The following NTN1 variants were observed in gnomAD, a reference collection of about 807,000 sequenced individuals.
NTN1 encodes the protein netrin-1.
Under a neutral mutation model 54.2 loss-of-function variants are expected in NTN1, and 11 were observed. The observed-to-expected ratio is 0.20, with a 90% CI of 0.13 to 0.34. The LOEUF is 0.34. NTN1 is among the 10% of genes least tolerant of loss of function. NTN1 has a pLI of 1.00. For missense variants in NTN1, 740 were observed against 893.1 expected, an observed-to-expected ratio of 0.83 and a Z score of 2.18; for synonymous variants, 371 against 382.0, an observed-to-expected ratio of 0.97 and a Z score of 0.33.
At chr17:9,163,357 AC>A (rs1029945217) in intron 3 of NTN1, among the ~76,000 whole-genome samples, 11 of 151,938 alleles carry the variant, frequency 7.2e-5, no homozygotes, top group African/African-American at 2.4e-4. Context: ...TGTGCTGCAT[AC>A]CAGAGGGCTG....
At chr17:9,005,077 C>T in the NTN1 span, among the ~76,000 whole-genome samples, 4 of 152,182 alleles carry the variant, frequency 2.6e-5, no homozygotes, top group African/African-American at 7.2e-5. Flanking sequence ...CCAGGCACCG[C>T]TCCCACCACT....
At chr17:9,003,505 C>T in the NTN1 span, among the ~76,000 whole-genome samples, 1 of 150,104 alleles carries the variant, frequency 6.7e-6, no homozygotes, top group East Asian at 2.0e-4. The surrounding 1 kb of genome is among the most constrained non-coding windows in gnomAD (Gnocchi z 7.4). Context: ...CCTTCCTGCC[C>T]GCCCGGGTCC....
At chr17:9,152,493 C>A (rs1421600931) in intron 2 of NTN1, among the ~76,000 whole-genome samples, 1 of 152,116 alleles carries the variant, frequency 6.6e-6, no homozygotes, top group African/African-American at 2.4e-5. Flanking sequence ...GGGAAGCCTG[C>A]AGGGTCATCC....
chr17:9,144,482 C>T (rs1475876728), intron 2 of NTN1, among the ~76,000 whole-genome samples: 1 of 152,226 alleles, frequency 6.6e-6, no homozygotes, highest in East Asian at 1.9e-4. Context: ...ATTTGAACTC[C>T]TGCATCGGCT....
chr17:9,194,059 A>G (rs747278820), intron 5 of NTN1, among the ~76,000 whole-genome samples: 6 of 152,038 alleles, frequency 3.9e-5, no homozygotes, highest in Non-Finnish European at 5.9e-5. Flanking sequence ...AACATAGTGA[A>G]ACCCCATCTC....
chr17:9,157,055 A>G (rs2092344996), intron 2 of NTN1, among the ~76,000 whole-genome samples: 1 of 149,292 alleles, frequency 6.7e-6, no homozygotes, highest in African/African-American at 2.5e-5. Flanking sequence ...TCATCCTTCC[A>G]TTCATTCATC....
intron 2 of NTN1, among the ~76,000 whole-genome samples, chr17:9,042,763 G>C (rs1003789073): frequency 6.6e-6 from 1 of 151,786 alleles, no homozygotes; most frequent in Non-Finnish European, 1.5e-5. Flanking sequence ...CTCCAGACTG[G>C]GCGATAGTGC....
intron 2 of NTN1, among the ~76,000 whole-genome samples, chr17:9,099,482 T>G (rs2142240720): frequency 6.6e-6 from 1 of 152,294 alleles, no homozygotes; most frequent in South Asian, 2.1e-4. Flanking sequence ...TGTTAGAAAC[T>G]TCAGCTATTT....
At position 9,022,669 on chromosome 17, in the gene NTN1, C is replaced by G. The variant is rs1287144736; in HGVS notation, c.296C>G (p.Pro99Arg). ...TGCCACCTCTGCAACGCGTCCGACC[C>G]CAAGAAGGCGCACCCGCCCGCCTTC... ...RSCHLCNASD[P>R]KKAHPPAFLT... The change falls in exon 2 of 7, where the codon CCC (proline) becomes CGC (arginine). Residue 99 changes from proline to arginine, a missense_variant. By Grantham distance (103) the Pro-to-Arg change is moderately radical. Transcript: ENST00000173229. The G allele has an allele frequency of 7.6e-6, 12 of 1,575,390 alleles. No individual in the cohort carries two copies. The South Asian group carries it at 1.4e-4, about 18-fold the overall frequency.
chr17:9,100,809 T>C (rs1265111495), intron 2 of NTN1, among the ~76,000 whole-genome samples: 1 of 152,202 alleles, frequency 6.6e-6, no homozygotes, highest in African/African-American at 2.4e-5. Flanking sequence ...AGTTTTTATG[T>C]CATCCTGTCA....
At chr17:9,048,032 A>G (rs959941054) in intron 2 of NTN1, among the ~76,000 whole-genome samples, 4 of 152,178 alleles carry the variant, frequency 2.6e-5, no homozygotes, top group African/African-American at 9.7e-5. Flanking sequence ...TAGAATGGTG[A>G]ATCCTTTTCA....
chr17:9,049,985 G>T (rs907449706), intron 2 of NTN1, among the ~76,000 whole-genome samples: 1 of 151,884 alleles, frequency 6.6e-6, no homozygotes, highest in Non-Finnish European at 1.5e-5. Flanking sequence ...AGTGGCTCAC[G>T]CCTGTAATCC....
chr17:9,162,855 T>C lies in NTN1; in HGVS notation c.1061T>C (p.Met354Thr). Residue 354 changes from methionine (M) to threonine (T), a missense_variant, in exon 3 of 7, where the codon ATG (methionine) becomes ACG (threonine). Met to Thr is a moderately conservative substitution (Grantham distance 81). Coordinates refer to ENST00000173229, the MANE Select transcript of NTN1 (RefSeq NM_004822.3). ...CATGCCCGGCGCTGCCGCTTCAACA[T>C]GGAGCTCTACAAGCTTTCGGGGCGC... ...NLHARRCRFN[M>T]ELYKLSGRKS... 1 of 1,613,968 alleles carries C rather than the reference T, an allele frequency of 6.2e-7. No homozygotes were observed. Among genetic ancestry groups the C allele is most frequent in the Non-Finnish European group, 8.5e-7 (1 of 1,179,896 alleles).
Position 9,135,272 on chromosome 17 carries a change from G to T in NTN1, c.1019-27541G>T, listed in dbSNP as rs1436072631. Among the ~76,000 whole-genome samples, 2 of 152,128 alleles carry T rather than the reference G, an allele frequency of 1.3e-5. No homozygotes were observed. Among genetic ancestry groups the T allele is most frequent in the African/African-American group, 2.4e-5 (1 of 41,406 alleles). ...TGCTGGAAAGTGTCTGAGAGCAGCT[G>T]CCACCTGGGTCTGAATGTGTCCCCC... is the stretch of plus-strand genomic sequence containing the variant. On this transcript the variant is annotated intron_variant, in intron 2 of 6. Coordinates refer to ENST00000173229, the MANE Select transcript of NTN1 (RefSeq NM_004822.3). This position sits in a 1 kb window ranked among gnomAD's most constrained non-coding sequence, Gnocchi z 4.4.
the NTN1 span, among the ~76,000 whole-genome samples, chr17:9,013,957 G>A: frequency 6.6e-6 from 1 of 152,086 alleles, no homozygotes; most frequent in South Asian, 2.1e-4. Context: ...ACATCTGCTG[G>A]TTCCCCCATC....
the NTN1 span, among the ~76,000 whole-genome samples, chr17:9,005,777 C>T: frequency 3.3e-5 from 5 of 152,268 alleles, no homozygotes; most frequent in South Asian, 4.1e-4. Flanking sequence ...AATGAGGGAG[C>T]GGCAGGGGGT....
intron 2 of NTN1, among the ~76,000 whole-genome samples, chr17:9,066,207 A>C (rs2092014514): frequency 6.6e-6 from 1 of 152,144 alleles, no homozygotes; most frequent in Non-Finnish European, 1.5e-5. Context: ...GGATCACTTG[A>C]GCTGAGGAGT....
At chr17:9,127,699 A>T (rs574383924) in intron 2 of NTN1, among the ~76,000 whole-genome samples, 1 of 152,252 alleles carries the variant, frequency 6.6e-6, no homozygotes, top group Non-Finnish European at 1.5e-5. Context: ...AGACGGGGGA[A>T]CTAGAAAGTC....
chr17:9,214,007 CT>C (rs564944671), intron 5 of NTN1, among the ~76,000 whole-genome samples: 13 of 147,174 alleles, frequency 8.8e-5, no homozygotes, highest in African/African-American at 1.2e-4. Context: ...AGTGTTTTGT[CT>C]TTTTTTTTTC....
Sources: allele counts gnomAD v4.1 joint callset (sites outside exome capture counted in the v4.1 genomes callset), GRCh38; gene constraint gnomAD v4.1.1; non-coding constraint Gnocchi (gnomAD v3.1); transcripts MANE v1.5; gene names NCBI Gene and HGNC (gene_info 2026-07-23, HGNC 2026-07-21).